NNT: variants seen among roughly 807,000 people sequenced by gnomAD.
NNT encodes nicotinamide nucleotide transhydrogenase.
A neutral mutation model predicts 104.8 loss-of-function variants in NNT; 50 were observed. That is an observed-to-expected ratio of 0.48 (90% CI 0.38 to 0.60). The LOEUF (loss-of-function observed/expected upper bound fraction) is 0.60. NNT is among the 20% of genes least tolerant of loss of function. The pLI, the probability that NNT is intolerant of heterozygous loss-of-function variation, is 0.00. For missense variants in NNT, 1,131 were observed against 1,330.7 expected, an observed-to-expected ratio of 0.85 and a Z score of 2.33; for synonymous variants, 461 against 490.4, an observed-to-expected ratio of 0.94 and a Z score of 0.79.
chr5:43,705,197 A>G lies in NNT; in HGVS notation c.*793A>G, dbSNP rs1238208509. On this transcript the variant is annotated 3_prime_UTR_variant, in exon 22 of 22. Transcript: ENST00000344920. ...TATTAAGTGCACTTGAGTGGAATTC[A>G]ACATTTGACTAATAAAATGAGTTCA... is the stretch of plus-strand genomic sequence containing the variant. The G allele has an allele frequency of 6.6e-6, 1 of 152,190 alleles. No individual in the cohort carries two copies. The highest frequency in any genetic ancestry group is 1.9e-4 in the East Asian group (1 of 5,200). The allele number at this position is 152,190 out of a possible 1,614,324, so 9.4% of individuals were successfully genotyped here.
Position 43,656,767 on chromosome 5 carries a change from C to T in NNT, c.2408C>T (p.Thr803Ile). ...IPFMVDPSFT[T>I]GITCLGSVSA... ...TTCATGGTGGACCCAAGCTTTACTA[C>T]TGGCATCACCTGTCTGGGTTCAGTG... is the stretch of plus-strand genomic sequence containing the variant. Residue 803 changes from threonine (T) to isoleucine (I), a missense_variant, in exon 16 of 22, where the codon ACT (threonine) becomes ATT (isoleucine). By Grantham distance (89) the Thr-to-Ile change is moderately conservative. Transcript: ENST00000344920. 1.9e-6 allele frequency: 3 copies of T among 1,614,170 alleles called. No homozygotes were observed. Among genetic ancestry groups the T allele is most frequent in the Non-Finnish European group, 2.5e-6 (3 of 1,180,010 alleles).
chr5:43,675,472 G>A, intron 17 of NNT, 39 bp from the exon 18 acceptor site: 5 of 1,567,606 alleles, frequency 3.2e-6, no homozygotes, highest in Non-Finnish European at 4.3e-6. Flanking sequence ...ACAAAGTTAT[G>A]TGTGTTAAAC....
intron 19 of NNT, among the ~76,000 whole-genome samples, chr5:43,686,321 C>G (rs553074412): frequency 1.3e-5 from 2 of 151,700 alleles, no homozygotes; most frequent in East Asian, 1.9e-4. Flanking sequence ...AAGGAAACAA[C>G]ATTTTTGCCT....
intron 1 of NNT, among the ~76,000 whole-genome samples, chr5:43,606,696 A>G (rs1007400854): frequency 1.3e-5 from 2 of 151,978 alleles, no homozygotes; most frequent in African/African-American, 4.8e-5. Context: ...CTAAAAGAGG[A>G]CACAATCTCA....
chr5:43,640,797 T>C (rs1166863404), intron 7 of NNT, among the ~76,000 whole-genome samples: 2 of 150,980 alleles, frequency 1.3e-5, no homozygotes, highest in African/African-American at 4.8e-5. Flanking sequence ...AATTGTAATA[T>C]ATACATTTTT....
rs771499266 is a variant in NNT at position 43,644,681 on chromosome 5, A to G, written c.1169A>G (p.Asn390Ser). The G allele has an allele frequency of 2.5e-6, 4 of 1,614,216 alleles. No individual in the cohort carries two copies. The highest frequency in any genetic ancestry group is 4.5e-5 in the East Asian group (2 of 44,882). The change falls in exon 9 of 22, where the codon AAC becomes AGC. Residue 390 changes from asparagine to serine, a missense_variant. Physicochemically the swap from Asn to Ser is conservative, Grantham distance 46. Coordinates refer to ENST00000344920, the MANE Select transcript of NNT (RefSeq NM_182977.3). ...MATQASTLYS[N>S]NITKLLKAIS... ...ACTCAGGCCAGCACCCTATATTCCAACAACATCACCAAACTCCTGAAGGCC... is the reference window on the plus strand; with the variant it reads ...ACTCAGGCCAGCACCCTATATTCCAGCAACATCACCAAACTCCTGAAGGCC...
chr5:43,661,727 G>A (rs887048756), intron 17 of NNT, among the ~76,000 whole-genome samples: 2 of 151,630 alleles, frequency 1.3e-5, no homozygotes, highest in African/African-American at 2.4e-5. Context: ...ATGTCCCTAC[G>A]AAGGACATGA....
intron 15 of NNT, among the ~76,000 whole-genome samples, chr5:43,656,361 C>T (rs750626578): frequency 1.8e-4 from 27 of 152,044 alleles, no homozygotes; most frequent in Non-Finnish European, 3.2e-4. Flanking sequence ...GAAGAGTATT[C>T]GTATAGCACT....
Position 43,644,325 on chromosome 5 carries a change from G to C in NNT, c.1098G>C (p.Lys366Asn). 1 of 1,611,360 alleles carries C rather than the reference G, an allele frequency of 6.2e-7. No homozygotes were observed. Among genetic ancestry groups the C allele is most frequent in the Non-Finnish European group, 8.5e-7 (1 of 1,179,528 alleles). ...AGCCAGGAGAACTCTACATTCATAA[G>C]GTATAGCAAGATGCGTTTTCTATCT... ...TTKPGELYIH[K>N]GITHIGYTDL... Residue 366 changes from lysine (K) to asparagine (N), a missense_variant and splice_region_variant, in exon 8 of 22, where the codon AAG becomes AAC. Coordinates refer to ENST00000344920, the MANE Select transcript of NNT (RefSeq NM_182977.3).
chr5:43,610,796 A>G (rs1749462096), intron 2 of NNT, among the ~76,000 whole-genome samples: 1 of 152,222 alleles, frequency 6.6e-6, no homozygotes, highest in Non-Finnish European at 1.5e-5. Context: ...TGTATAAAAT[A>G]AAGGTAAATA....
At chr5:43,691,519 C>T (rs1437816229) in intron 19 of NNT, among the ~76,000 whole-genome samples, 5 of 152,124 alleles carry the variant, frequency 3.3e-5, no homozygotes, top group Non-Finnish European at 5.9e-5. Context: ...TATTTAGTTT[C>T]ATCATTGGGT....
chr5:43,659,560 C>G (rs1166544567), intron 17 of NNT, among the ~76,000 whole-genome samples: 1 of 150,058 alleles, frequency 6.7e-6, no homozygotes, highest in Admixed American at 6.6e-5. Flanking sequence ...AAAACCCTGT[C>G]TCTACTAAAA....
chr5:43,650,333 A>G (rs898793510), intron 11 of NNT, 144 bp from the exon 12 acceptor site: 19 of 527,838 alleles, frequency 3.6e-5, no homozygotes, highest in African/African-American at 2.8e-4. Context: ...ATTTCATTTT[A>G]ATGAGGGTGT....
At chr5:43,644,363 C>G (rs1221132946) in intron 8 of NNT, 38 bp downstream of exon 8, 3 of 1,599,650 alleles carry the variant, frequency 1.9e-6, no homozygotes, top group Non-Finnish European at 2.6e-6. Flanking sequence ...GATCACTTCT[C>G]ATGTCTTGAG....
intron 17 of NNT, among the ~76,000 whole-genome samples, chr5:43,667,735 C>T (rs561040038): frequency 2.0e-5 from 3 of 152,276 alleles, no homozygotes; most frequent in African/African-American, 7.2e-5. Flanking sequence ...CATACGTGTG[C>T]ATGTGTCTTT....
At chr5:43,618,767 C>CT (rs1158758296) in intron 4 of NNT, among the ~76,000 whole-genome samples, 1 of 152,108 alleles carries the variant, frequency 6.6e-6, no homozygotes. Context: ...GCTGAGTGAC[C>CT]TTAGGCAAGT....
rs764474512 is a variant in NNT at position 43,675,593 on chromosome 5, C to A, written c.2717C>A (p.Ser906Tyr). 1 of 1,613,420 alleles carries A rather than the reference C, an allele frequency of 6.2e-7. No homozygotes were observed. Among genetic ancestry groups the A allele is most frequent in the Non-Finnish European group, 8.5e-7 (1 of 1,179,762 alleles). ...GCTGGTGGAAAACCCATGGAAATTT[C>A]TGGCACACATACGGAAATCAACCTT... ...STAGGKPMEI[S>Y]GTHTEINLDN... Residue 906 changes from serine (S) to tyrosine (Y), a missense_variant, in exon 18 of 22, where the codon TCT (serine) becomes TAT (tyrosine). By Grantham distance (144) the Ser-to-Tyr change is moderately radical. Transcript: ENST00000344920.
At chr5:43,678,183 A>G (rs888994738) in intron 19 of NNT, among the ~76,000 whole-genome samples, 1 of 152,180 alleles carries the variant, frequency 6.6e-6, no homozygotes, top group Non-Finnish European at 1.5e-5. Context: ...AGATGAGAAG[A>G]AGGAGGAAGA....
At chr5:43,686,917 C>T (rs1384653440) in intron 19 of NNT, among the ~76,000 whole-genome samples, 1 of 152,066 alleles carries the variant, frequency 6.6e-6, no homozygotes, top group African/African-American at 2.4e-5. Context: ...TGCTTTGAAC[C>T]TGGCAGTGGC....
Sources: allele counts gnomAD v4.1 joint callset (sites outside exome capture counted in the v4.1 genomes callset), GRCh38; gene constraint gnomAD v4.1.1; transcripts MANE v1.5; gene names NCBI Gene and HGNC (gene_info 2026-07-23, HGNC 2026-07-21).